The following STARD13 variants were observed in gnomAD, a reference collection of about 807,000 sequenced individuals.
STARD13 encodes stAR-related lipid transfer protein 13.
Under a neutral mutation model 106.4 loss-of-function variants are expected in STARD13, and 62 were observed. The ratio of observed to expected loss-of-function variants is 0.58; its 90% confidence interval spans 0.48 to 0.72. The LOEUF is 0.72. Among genes scored for constraint, STARD13 ranks in the 30% least tolerant of loss-of-function variants. STARD13 has a pLI of 0.00. For synonymous variants in STARD13, 565 were observed against 553.0 expected (o/e 1.02, Z -0.31); for missense variants, 1,387 against 1,424.0 (o/e 0.97, Z 0.42).
the STARD13 span, among the ~76,000 whole-genome samples, chr13:33,661,879 A>G: frequency 4.6e-5 from 7 of 151,320 alleles, no homozygotes; most frequent in African/African-American, 1.7e-4. Context: ...AAGGAGGGGA[A>G]GAATCAGGAA....
At chr13:33,317,924 A>G (rs1893403302) in intron 1 of STARD13, among the ~76,000 whole-genome samples, 1 of 152,190 alleles carries the variant, frequency 6.6e-6, no homozygotes, top group Non-Finnish European at 1.5e-5. Flanking sequence ...ATCCTATTCA[A>G]TCCTCACAAT....
chr13:33,553,535 T>G, the STARD13 span, among the ~76,000 whole-genome samples: 1 of 151,694 alleles, frequency 6.6e-6, no homozygotes, highest in African/African-American at 2.4e-5. Context: ...GATCATAGTT[T>G]GAGTAGAATT....
chr13:33,171,033 T>C (rs1352335325), intron 1 of STARD13, among the ~76,000 whole-genome samples: 1 of 152,216 alleles, frequency 6.6e-6, no homozygotes, highest in Non-Finnish European at 1.5e-5. Context: ...AAAGGAATCA[T>C]TATTGCCAGT....
chr13:33,397,629 C>A, the STARD13 span, among the ~76,000 whole-genome samples: 6 of 152,248 alleles, frequency 3.9e-5, no homozygotes, highest in African/African-American at 1.4e-4. Flanking sequence ...AGAGATGTAG[C>A]TTTCTGGAAA....
chr13:33,478,018 C>G, the STARD13 span, among the ~76,000 whole-genome samples: 1 of 152,074 alleles, frequency 6.6e-6, no homozygotes, highest in Middle Eastern at 3.4e-3. Flanking sequence ...TTACCTCTCT[C>G]CAATTCCTGT....
At chr13:33,199,033 A>T (rs1886831310) in intron 1 of STARD13, among the ~76,000 whole-genome samples, 1 of 152,214 alleles carries the variant, frequency 6.6e-6, no homozygotes, top group South Asian at 2.1e-4. Flanking sequence ...AGGTTCACTC[A>T]TCTATTTTTG....
intron 6 of STARD13, among the ~76,000 whole-genome samples, chr13:33,126,456 G>T (rs564996334): frequency 6.6e-6 from 1 of 152,176 alleles, no homozygotes; most frequent in Non-Finnish European, 1.5e-5. Flanking sequence ...CATGAGTCAC[G>T]TTCCCAGAAT....
chr13:33,490,152 T>G, the STARD13 span, among the ~76,000 whole-genome samples: 1 of 151,940 alleles, frequency 6.6e-6, no homozygotes, highest in Non-Finnish European at 1.5e-5. Context: ...CAAAAATTTG[T>G]TTTTTTATGT....
chr13:33,448,327 T>G, the STARD13 span, among the ~76,000 whole-genome samples: 1 of 152,158 alleles, frequency 6.6e-6, no homozygotes, highest in Non-Finnish European at 1.5e-5. Context: ...GAGAACAACT[T>G]TTTTAGATTT....
the STARD13 span, among the ~76,000 whole-genome samples, chr13:33,441,890 G>A: frequency 6.6e-6 from 1 of 152,144 alleles, no homozygotes; most frequent in African/African-American, 2.4e-5. Context: ...ATATGAAAGG[G>A]ACATCATTTG....
intron 7 of STARD13, among the ~76,000 whole-genome samples, chr13:33,122,717 T>C (rs1036144628): frequency 1.3e-5 from 2 of 152,154 alleles, no homozygotes; most frequent in Admixed American, 6.5e-5. Context: ...CTAGTTTTCC[T>C]GTCTTCTTTC....
chr13:33,345,575 G>A (rs1221026554), downstream of STARD13, among the ~76,000 whole-genome samples: 2 of 152,104 alleles, frequency 1.3e-5, no homozygotes, highest in Non-Finnish European at 2.9e-5. Flanking sequence ...AGAAAAACTT[G>A]CTGGGCCCCA....
chr13:33,523,472 A>G, the STARD13 span, among the ~76,000 whole-genome samples: 1 of 152,282 alleles, frequency 6.6e-6, no homozygotes, highest in African/African-American at 2.4e-5. Flanking sequence ...TAAAGCAGAC[A>G]AGGCATCATA....
intron 1 of STARD13, among the ~76,000 whole-genome samples, chr13:33,317,652 T>A (rs1055890736): frequency 1.3e-5 from 2 of 152,148 alleles, no homozygotes; most frequent in Non-Finnish European, 2.9e-5. Flanking sequence ...TACACTCACT[T>A]TCTATTTTGT....
At chr13:33,631,070 T>C in the STARD13 span, among the ~76,000 whole-genome samples, 1 of 152,218 alleles carries the variant, frequency 6.6e-6, no homozygotes, top group South Asian at 2.1e-4. Context: ...GTGTGCATTA[T>C]ATACCGGTGG....
At chr13:33,398,025 G>A in the STARD13 span, among the ~76,000 whole-genome samples, 7 of 152,208 alleles carry the variant, frequency 4.6e-5, no homozygotes, top group African/African-American at 1.7e-4. Flanking sequence ...ACATTCAGAT[G>A]ACAGAAGCAG....
chr13:33,569,330 A>T, the STARD13 span, among the ~76,000 whole-genome samples: 3 of 147,984 alleles, frequency 2.0e-5, 1 homozygote, highest in Admixed American at 2.1e-4. Context: ...TATGAGCTGT[A>T]AAAATACATA....
rs898022649 is a variant in STARD13 at position 33,104,893 on chromosome 13, C to G, written c.*700G>C. ...AAATTTGGTAATGACTTCTCACCCC[C>G]CCATTTGCTTTAAGGAGGAGTAATT... On this transcript the variant is annotated 3_prime_UTR_variant, in exon 14 of 14. Coordinates refer to ENST00000336934, the MANE Select transcript of STARD13 (RefSeq NM_178006.4). 1 of 153,634 alleles carries G rather than the reference C, an allele frequency of 6.5e-6. No homozygotes were observed. Among genetic ancestry groups the G allele is most frequent in the South Asian group, 2.1e-4 (1 of 4,824 alleles). 9.5% of individuals were successfully genotyped at this position (153,634 alleles called of 1,614,324 possible).
At chr13:33,273,001 C>T (rs1594198793) in intron 1 of STARD13, 3 of 152,262 alleles carry the variant, frequency 2.0e-5, no homozygotes, top group African/African-American at 2.4e-5. Flanking sequence ...AGCTGCATGC[C>T]GCCAAGTTTC....
Sources: gnomAD v4.1 joint callset for allele counts (sites outside exome capture counted in the v4.1 genomes callset) on GRCh38, gnomAD v4.1.1 for gene constraint, MANE v1.5 for transcripts, NCBI Gene and HGNC (gene_info 2026-07-23, HGNC 2026-07-21) for gene names.